TRPM2: variants seen among roughly 807,000 people sequenced by gnomAD.
TRPM2 encodes transient receptor potential cation channel subfamily M member 2.
Under a neutral mutation model 174.0 loss-of-function variants are expected in TRPM2, and 161 were observed. That is an observed-to-expected ratio of 0.93 (90% CI 0.81 to 1.05). TRPM2 has a LOEUF of 1.05. Ranked by LOEUF, TRPM2 falls within the 50% of genes least tolerant of loss-of-function variation. TRPM2 has a pLI of 0.00. For missense variants in TRPM2, 2,057 were observed against 2,038.0 expected (o/e 1.01, Z -0.18); for synonymous variants, 954 against 861.3 (o/e 1.11, Z -1.88).
chr21:44,380,094 A>G (rs1335426664), intron 8 of TRPM2, among the ~76,000 whole-genome samples: 3 of 152,254 alleles, frequency 2.0e-5, no homozygotes, highest in Admixed American at 1.3e-4. Context: ...GAGCACCCTC[A>G]GGAACCACGG....
Position 44,353,880 on chromosome 21 carries a change from G to C in TRPM2, c.165+15G>C. The C allele has an allele frequency of 6.3e-7, 1 of 1,595,110 alleles. No homozygotes were observed. Among genetic ancestry groups the C allele is most frequent in the Non-Finnish European group, 8.5e-7 (1 of 1,172,434 alleles). On this transcript the variant is annotated intron_variant, in intron 1 of 31. Coordinates refer to ENST00000397928, the MANE Select transcript of TRPM2 (RefSeq NM_003307.4). ...ACAATGACAAGGTAGGCTTTCTGCT[G>C]GTCAGCCTGCAGTTGGCACGTGGCC...
At chr21:44,370,779 T>C (rs1031738353) in intron 5 of TRPM2, among the ~76,000 whole-genome samples, 4 of 152,210 alleles carry the variant, frequency 2.6e-5, no homozygotes, top group Non-Finnish European at 2.9e-5. Context: ...CTTTGTTTGC[T>C]CTTTTTACGA....
At chr21:44,419,479 T>G (rs576434899) in intron 22 of TRPM2, among the ~76,000 whole-genome samples, 28 of 96,014 alleles carry the variant, frequency 2.9e-4, no homozygotes, top group Middle Eastern at 4.5e-3. Context: ...TCTGCTAACG[T>G]GGCTGGTGCT....
At chr21:44,407,021 C>A (rs2049913431) in intron 19 of TRPM2, among the ~76,000 whole-genome samples, 1 of 149,838 alleles carries the variant, frequency 6.7e-6, no homozygotes. Flanking sequence ...GGGCCGAGGG[C>A]ACCTGGGGCA....
chr21:44,380,127 G>A (rs1701224874), intron 8 of TRPM2, among the ~76,000 whole-genome samples: 1 of 152,346 alleles, frequency 6.6e-6, no homozygotes, highest in East Asian at 1.9e-4. Context: ...CTGGGTGGAG[G>A]TCTTGGCCCC....
chr21:44,423,236 C>T (rs899736431), intron 22 of TRPM2: 8 of 218,426 alleles, frequency 3.7e-5, no homozygotes, highest in Admixed American at 1.5e-4. Context: ...ACGACCCCCA[C>T]AAAATAAGAC....
At chr21:44,406,912 C>A (rs1281717681) in intron 19 of TRPM2, 147 bp downstream of exon 19, 11 of 1,092,256 alleles carry the variant, frequency 1.0e-5, no homozygotes, top group South Asian at 1.6e-5. Flanking sequence ...TGGGGGCATT[C>A]ATTCCCCAGC....
intron 12 of TRPM2, among the ~76,000 whole-genome samples, chr21:44,397,123 C>G (rs1164076947): frequency 6.6e-6 from 1 of 151,566 alleles, no homozygotes; most frequent in Non-Finnish European, 1.5e-5. Context: ...ACTGCAACCT[C>G]TGCCTACCGT....
intron 11 of TRPM2, among the ~76,000 whole-genome samples, chr21:44,394,608 C>T (rs897716382): frequency 2.6e-5 from 4 of 151,624 alleles, no homozygotes; most frequent in South Asian, 2.1e-4. Flanking sequence ...CGTGAGCCAC[C>T]GTGCCAGGCC....
At chr21:44,395,598 G>A in intron 12 of TRPM2, 47 bp downstream of exon 12, 1 of 1,608,588 alleles carries the variant, frequency 6.2e-7, no homozygotes, top group East Asian at 2.2e-5. Flanking sequence ...CTATAGGCCA[G>A]CGGCCAGCTG....
At chr21:44,440,304 CAAAAAAA>C (rs1555907336) in intron 30 of TRPM2, among the ~76,000 whole-genome samples, 1 of 41,398 alleles carries the variant, frequency 2.4e-5, no homozygotes, top group Non-Finnish European at 5.4e-5. Flanking sequence ...CCACTGCGCT[CAAAAAAA>C]AAAAAAAAAA....
At chr21:44,381,684 A>G (rs1602176579) in intron 8 of TRPM2, among the ~76,000 whole-genome samples, 1 of 152,138 alleles carries the variant, frequency 6.6e-6, no homozygotes, top group Non-Finnish European at 1.5e-5. Context: ...ATGCGGGTGG[A>G]TCACTTGAGG....
intron 23 of TRPM2, among the ~76,000 whole-genome samples, chr21:44,424,408 C>G (rs542560758): frequency 2.6e-5 from 4 of 152,216 alleles, no homozygotes; most frequent in South Asian, 2.1e-4. Context: ...ACGAGTGAGA[C>G]ATGTCCCACT....
chr21:44,429,969 C>T (rs941964922), intron 27 of TRPM2, among the ~76,000 whole-genome samples: 2 of 152,072 alleles, frequency 1.3e-5, no homozygotes, highest in Non-Finnish European at 2.9e-5. Flanking sequence ...TATCTAGTCC[C>T]AATTTGTCAG....
intron 2 of TRPM2, among the ~76,000 whole-genome samples, chr21:44,356,413 C>G (rs1488011632): frequency 6.6e-6 from 1 of 151,292 alleles, no homozygotes; most frequent in East Asian, 2.0e-4. Flanking sequence ...GGATCTCACA[C>G]GAGAAAGTAT....
intron 22 of TRPM2, among the ~76,000 whole-genome samples, chr21:44,420,827 C>A: frequency 6.6e-6 from 1 of 152,198 alleles, no homozygotes; most frequent in South Asian, 2.1e-4. Flanking sequence ...GAGGACCACA[C>A]CCTTCACCTG....
At chr21:44,353,231 G>A (rs973435115), upstream of TRPM2, 3 of 153,584 alleles carry the variant, frequency 2.0e-5, no homozygotes, top group African/African-American at 7.2e-5. Context: ...TATGAAAGTA[G>A]TCACTGGTGT....
chr21:44,405,848 T>C (rs983363578), intron 17 of TRPM2, 57 bp from the exon 18 acceptor site: 1 of 1,578,426 alleles, frequency 6.3e-7, no homozygotes, highest in Non-Finnish European at 8.6e-7. Context: ...GGGGGACAGC[T>C]CTGGGGGCTG....
chr21:44,365,064 T>C (rs1602134650), intron 3 of TRPM2, among the ~76,000 whole-genome samples: 1 of 152,264 alleles, frequency 6.6e-6, no homozygotes. Context: ...TGGAGGGTTC[T>C]GAGACTCGCG....
Sources: gnomAD v4.1 joint callset for allele counts (sites outside exome capture counted in the v4.1 genomes callset) on GRCh38, gnomAD v4.1.1 for gene constraint, MANE v1.5 for transcripts, NCBI Gene and HGNC (gene_info 2026-07-23, HGNC 2026-07-21) for gene names.